The following SCFD2 variants were observed in gnomAD, a reference collection of about 807,000 sequenced individuals.
SCFD2 encodes the protein sec1 family domain containing 2, also known as sec1 family domain-containing protein 2.
SCFD2 carries 54 observed loss-of-function variants against 58.9 expected under a neutral mutation model. That is an observed-to-expected ratio of 0.92 (90% CI 0.74 to 1.15). The LOEUF is 1.15. SCFD2 is among the 50% of genes most tolerant of loss of function. The pLI, the probability that SCFD2 is intolerant of heterozygous loss-of-function variation, is 0.00. For synonymous variants in SCFD2, 321 were observed against 335.9 expected, an observed-to-expected ratio of 0.96 and a Z score of 0.49; for missense variants, 805 against 836.6, an observed-to-expected ratio of 0.96 and a Z score of 0.47.
chr4:53,085,556 C>G (rs1025645556), intron 5 of SCFD2, among the ~76,000 whole-genome samples: 1 of 152,054 alleles, frequency 6.6e-6, no homozygotes, highest in African/African-American at 2.4e-5. Flanking sequence ...TATGAAACCA[C>G]AAAAGACCAA....
At position 53,057,047 on chromosome 4, in the gene SCFD2, T is replaced by G. The variant is rs369090253; in HGVS notation, c.1561+88286A>C. 3.9e-4 allele frequency among the ~76,000 whole-genome samples: 59 copies of G among 152,166 alleles called. 1 individual carries two copies. In the East Asian group the frequency reaches 0.01, roughly 27 times the overall value. The stretch of plus-strand genomic sequence containing the variant: ...AAAAAATACAAAAATTAGCCAGGCG[T>G]GGTAGTGCAGGTCTGTAATCCCAGC... On this transcript the variant is annotated intron_variant, in intron 5 of 8. Transcript: ENST00000401642.
intron 8 of SCFD2, among the ~76,000 whole-genome samples, chr4:52,877,309 G>A (rs778244618): frequency 6.6e-6 from 1 of 152,118 alleles, no homozygotes; most frequent in Non-Finnish European, 1.5e-5. Flanking sequence ...CTGCTCTGTG[G>A]AGGGGTGAAA....
At chr4:53,202,809 A>G (rs1728290255) in intron 4 of SCFD2, among the ~76,000 whole-genome samples, 1 of 152,142 alleles carries the variant, frequency 6.6e-6, no homozygotes, top group Non-Finnish European at 1.5e-5. Context: ...GAGTTCACTC[A>G]TGATTTGGCT....
At chr4:53,064,545 A>C (rs542618425) in intron 5 of SCFD2, among the ~76,000 whole-genome samples, 18 of 152,284 alleles carry the variant, frequency 1.2e-4, no homozygotes, top group Admixed American at 2.6e-4. Flanking sequence ...AATCTCTTGG[A>C]AACTCTGAGG....
chr4:52,964,360 T>G (rs975780150), intron 5 of SCFD2, among the ~76,000 whole-genome samples: 12 of 152,282 alleles, frequency 7.9e-5, no homozygotes, highest in African/African-American at 2.4e-4. Context: ...TCCAATCCAG[T>G]GTTAAGTCAT....
chr4:52,892,100 C>T (rs781582880), intron 7 of SCFD2, among the ~76,000 whole-genome samples: 8 of 152,242 alleles, frequency 5.3e-5, no homozygotes, highest in Non-Finnish European at 7.3e-5. Flanking sequence ...CTAAATTCAA[C>T]AAGTCTGAAG....
intron 3 of SCFD2, among the ~76,000 whole-genome samples, chr4:53,310,193 T>C (rs1286758847): frequency 1.3e-5 from 2 of 152,210 alleles, no homozygotes; most frequent in Non-Finnish European, 2.9e-5. Flanking sequence ...CAGACTGCAC[T>C]ACATTAGTAA....
intron 5 of SCFD2, among the ~76,000 whole-genome samples, chr4:53,077,320 T>G (rs184162433): frequency 1.3e-5 from 2 of 152,346 alleles, no homozygotes; most frequent in East Asian, 3.9e-4. Context: ...ATACACAAGT[T>G]TTCTGGAAAA....
intron 5 of SCFD2, among the ~76,000 whole-genome samples, chr4:53,115,656 T>G (rs1725298402): frequency 6.6e-6 from 1 of 152,170 alleles, no homozygotes; most frequent in Non-Finnish European, 1.5e-5. Flanking sequence ...TATTTTAATC[T>G]TTTACTTTTA....
At chr4:52,897,715 G>A (rs898018061) in intron 7 of SCFD2, among the ~76,000 whole-genome samples, 16 of 152,132 alleles carry the variant, frequency 1.1e-4, no homozygotes, top group Non-Finnish European at 1.8e-4. Context: ...GACTGGAATA[G>A]TTTCAGAAGG....
At chr4:52,986,257 T>C (rs1038501405) in intron 5 of SCFD2, among the ~76,000 whole-genome samples, 1 of 151,904 alleles carries the variant, frequency 6.6e-6, no homozygotes, top group South Asian at 2.1e-4. Context: ...ATCGAGTATA[T>C]GTAAGATTTT....
intron 5 of SCFD2, among the ~76,000 whole-genome samples, chr4:52,988,274 T>C (rs1721542940): frequency 6.6e-6 from 1 of 152,248 alleles, no homozygotes; most frequent in South Asian, 2.1e-4. Flanking sequence ...ATTAAGACTG[T>C]TTGTATTCCT....
chr4:53,151,626 T>A (rs1726509000), intron 4 of SCFD2, among the ~76,000 whole-genome samples: 3 of 152,324 alleles, frequency 2.0e-5, no homozygotes, highest in South Asian at 4.1e-4. Flanking sequence ...CCTGCCCTTC[T>A]ATGGTGCACA....
At chr4:53,096,194 T>C (rs1290822825) in intron 5 of SCFD2, among the ~76,000 whole-genome samples, 1 of 152,214 alleles carries the variant, frequency 6.6e-6, no homozygotes, top group Non-Finnish European at 1.5e-5. Flanking sequence ...GCATGTGTCT[T>C]TATAGCGGCA....
intron 4 of SCFD2, among the ~76,000 whole-genome samples, chr4:53,165,181 T>C (rs1038824238): frequency 6.6e-6 from 1 of 152,204 alleles, no homozygotes; most frequent in African/African-American, 2.4e-5. Context: ...AGGATGAAGA[T>C]ACTTGGAGGA....
At chr4:53,253,916 C>CAA (rs113461622) in intron 4 of SCFD2, among the ~76,000 whole-genome samples, 12 of 141,578 alleles carry the variant, frequency 8.5e-5, no homozygotes, top group South Asian at 4.5e-4. Context: ...ATAACAAAGT[C>CAA]AAAAAAAAAA....
At chr4:53,102,485 A>G (rs1724857791) in intron 5 of SCFD2, among the ~76,000 whole-genome samples, 1 of 152,090 alleles carries the variant, frequency 6.6e-6, no homozygotes, top group African/African-American at 2.4e-5. Flanking sequence ...ATTTGCAAAT[A>G]ATATAAAGAA....
At chr4:53,157,358 A>T (rs1488381407) in intron 4 of SCFD2, among the ~76,000 whole-genome samples, 1 of 152,198 alleles carries the variant, frequency 6.6e-6, no homozygotes, top group Non-Finnish European at 1.5e-5. Context: ...ATTACAACTT[A>T]CCTTCAAGTA....
chr4:53,328,948 A>G (rs1327178705), intron 2 of SCFD2, among the ~76,000 whole-genome samples: 1 of 152,252 alleles, frequency 6.6e-6, no homozygotes, highest in East Asian at 1.9e-4. Context: ...GCAAGGGGTC[A>G]GGGAGTTCCC....
Sources: allele counts gnomAD v4.1 joint callset (sites outside exome capture counted in the v4.1 genomes callset), GRCh38; gene constraint gnomAD v4.1.1; transcripts MANE v1.5; gene names NCBI Gene and HGNC (gene_info 2026-07-23, HGNC 2026-07-21).